Variants in EEF2 observed in about 807,000 individuals in gnomAD.
EEF2 encodes eukaryotic translation elongation factor 2, also known as elongation factor 2.
EEF2 carries 21 observed loss-of-function variants against 85.3 expected under a neutral mutation model. That is an observed-to-expected ratio of 0.25 (90% confidence interval 0.17 to 0.35). The LOEUF is 0.35. Ranked by LOEUF, EEF2 falls within the 10% of genes least tolerant of loss-of-function variation. The pLI, the probability that EEF2 is intolerant of heterozygous loss-of-function variation, is 1.00. For missense variants in EEF2, 825 were observed against 1,225.3 expected, an observed-to-expected ratio of 0.67 and a Z score of 4.88; for synonymous variants, 723 against 508.8, an observed-to-expected ratio of 1.42 and a Z score of -5.67.
intron 10 of EEF2, 150 bp from the exon 11 acceptor site, chr19:3,979,586 ATGT>A: frequency 1.1e-6 from 1 of 922,848 alleles, no homozygotes; most frequent in Non-Finnish European, 1.6e-6. Flanking sequence ...TCCTGAAGAA[ATGT>A]TAAGTCCCAC....
At chr19:3,981,912 G>T in intron 6 of EEF2, 35 bp downstream of exon 6, 1 of 1,592,868 alleles carries the variant, frequency 6.3e-7, no homozygotes, top group Non-Finnish European at 8.6e-7. Flanking sequence ...GCCAATAGTC[G>T]CATCGGCGGG....
In EEF2 at chr19:3,981,424, T is replaced by A; in HGVS notation, c.926A>T (p.Lys309Ile). The A allele has an allele frequency of 6.2e-7, 1 of 1,614,104 alleles. No individual in the cohort carries two copies. Residue 309 changes from lysine to isoleucine, a missense_variant, in exon 7 of 15, where the codon AAA (lysine) becomes ATA (isoleucine). Coordinates refer to ENST00000309311, the MANE Select transcript of EEF2 (RefSeq NM_001961.4). ...CTCTATCAGTTTTGCTGTCTCCTCT[T>A]TCTTGAAATTCATGATCGCATCAAA... ...KVFDAIMNFK[K>I]EETAKLIEKL...
At chr19:3,978,263 G>A in intron 11 of EEF2, 91 bp from the exon 12 acceptor site, 1 of 1,163,962 alleles carries the variant, frequency 8.6e-7, no homozygotes, top group South Asian at 1.9e-5. Context: ...TAGCAAGGCG[G>A]ACCTCATACA....
intron 6 of EEF2, 58 bp downstream of exon 6, chr19:3,981,889 C>G: frequency 6.5e-7 from 1 of 1,543,602 alleles, no homozygotes; most frequent in Non-Finnish European, 8.9e-7. Context: ...GGCCGGAGCC[C>G]ACAGGGCCGA....
intron 14 of EEF2, 47 bp from the exon 15 acceptor site, chr19:3,976,794 G>A (rs764489088): frequency 4.1e-6 from 6 of 1,475,326 alleles, no homozygotes; most frequent in Non-Finnish European, 5.4e-6. Flanking sequence ...GAAGGTGGCA[G>A]GGCAGAAGGA....
rs2039681071 is a variant in EEF2, at chr19:3,976,479, C to T, written c.*75G>A. On this transcript the variant is annotated 3_prime_UTR_variant, in exon 15 of 15. Transcript: ENST00000309311. ...CTGTGTCGGGACAGTCTCCAGGTGT[C>T]GTCTGAGAATTCGAGGACGTGGTGC... The T allele has an allele frequency of 1.1e-5, 16 of 1,511,556 alleles. No individual in the cohort carries two copies. The highest frequency in any genetic ancestry group is 1.4e-5 in the Non-Finnish European group (16 of 1,121,482). The allele number at this position is 1,511,556 out of a possible 1,614,324, so 93.6% of individuals were successfully genotyped here. A position where few individuals can be genotyped will look rare whatever the true frequency, so the allele number is the denominator to read the frequency against.
chr19:3,979,609 T>C (rs1003542184), intron 10 of EEF2, 173 bp from the exon 11 acceptor site: 13 of 955,702 alleles, frequency 1.4e-5, no homozygotes, highest in African/African-American at 1.3e-4. Flanking sequence ...CAAGCTACAG[T>C]GAACACGCGC....
chr19:3,981,316 C>T lies in EEF2; in HGVS notation c.1011+23G>A, dbSNP rs375690631. 2.4e-5 allele frequency: 39 copies of T among 1,608,798 alleles called. No individual in the cohort carries two copies. The East Asian group carries it at 2.7e-4, about 11-fold the overall frequency. On this transcript the variant is annotated intron_variant, in intron 7 of 14. Coordinates refer to ENST00000309311, the MANE Select transcript of EEF2 (RefSeq NM_001961.4). ...ACAGCAGCCTGTGTTCCCTCCACCCCGAGGGCTGGGCCCAGGCCGCACCTT... is the reference window on the plus strand; with the variant it reads ...ACAGCAGCCTGTGTTCCCTCCACCCTGAGGGCTGGGCCCAGGCCGCACCTT...
At chr19:3,979,707 A>G (rs1272086865) in intron 10 of EEF2, 101 bp downstream of exon 10, 1 of 1,504,886 alleles carries the variant, frequency 6.6e-7, no homozygotes, top group East Asian at 2.3e-5. Context: ...ATGACCAGTC[A>G]CCCCAATCCA....
intron 9 of EEF2, 24 bp from the exon 10 acceptor site, chr19:3,980,090 C>T (rs759968889): frequency 1.2e-6 from 2 of 1,604,446 alleles, no homozygotes; most frequent in East Asian, 2.2e-5. Context: ...AAGGCGGCAG[C>T]AGGCCGCAGG....
intron 1 of EEF2, 41 bp downstream of exon 1, chr19:3,985,337 C>G (rs2039806883): frequency 2.8e-6 from 4 of 1,448,924 alleles, no homozygotes; most frequent in Non-Finnish European, 3.7e-6. Context: ...CGCGGAGGCC[C>G]CGCCGCCGCT....
chr19:3,977,620 G>C lies in EEF2; in HGVS notation c.2068-10C>G. The stretch of plus-strand genomic sequence containing the variant: ...CCTCACACAGTGCGCCCTGGGGGAG[G>C]GGGAGAGCCACCGTCAAGGGCCGGA... On this transcript the variant is annotated splice_polypyrimidine_tract_variant and intron_variant, in intron 12 of 14. Transcript: ENST00000309311. The surrounding 1 kb of genome is among the most constrained non-coding windows in gnomAD (Gnocchi z 5.4). 6.6e-7 allele frequency: 1 copy of C among 1,505,350 alleles called. No individual in the cohort carries two copies. The highest frequency in any genetic ancestry group is 8.8e-7 in the Non-Finnish European group (1 of 1,131,264). 93.2% of individuals were successfully genotyped at this position (1,505,350 alleles called of 1,614,324 possible). A position where few individuals can be genotyped will look rare whatever the true frequency, so the allele number is the denominator to read the frequency against.
intron 11 of EEF2, among the ~76,000 whole-genome samples, chr19:3,978,989 G>T (rs540463433): frequency 2.6e-5 from 4 of 151,708 alleles, no homozygotes; most frequent in Admixed American, 2.6e-4. Flanking sequence ...TTAGCCGGGC[G>T]TGGTAGCACG....
Position 3,979,949 on chromosome 19 carries a change from G to T in EEF2, c.1464C>A (p.Phe488Leu), listed in dbSNP as rs758840686. The T allele has an allele frequency of 3.7e-6, 6 of 1,613,820 alleles. No homozygotes were observed. Among genetic ancestry groups the T allele is most frequent in the Non-Finnish European group, 5.1e-6 (6 of 1,180,052 alleles). ...TCACCCGCATGTTGTGCGCGTGCTC[G>T]AAGGTGGTGATGGTGCCCGTCTTCA... ...FLVKTGTITT[F>L]EHAHNMRVMK... Residue 488 changes from phenylalanine to leucine, a missense_variant, in exon 10 of 15, where the codon TTC (phenylalanine) becomes TTA (leucine). By Grantham distance (22) the Phe-to-Leu change is conservative. Coordinates refer to ENST00000309311, the MANE Select transcript of EEF2 (RefSeq NM_001961.4).
At chr19:3,981,015 G>C in intron 7 of EEF2, 36 bp from the exon 8 acceptor site, 1 of 1,551,446 alleles carries the variant, frequency 6.4e-7, no homozygotes, top group Non-Finnish European at 8.7e-7. Flanking sequence ...AGACACCTGG[G>C]GAGCCCAGGA....
intron 1 of EEF2, 82 bp downstream of exon 1, chr19:3,985,296 C>T (rs2039806200): frequency 3.8e-6 from 5 of 1,320,092 alleles, no homozygotes. Flanking sequence ...CACGGGGGGC[C>T]CCAGCGTCCC....
chr19:3,984,757 A>C lies in EEF2; in HGVS notation c.4-407T>G, dbSNP rs2039798252. The C allele has an allele frequency of 2.8e-5, 6 of 213,912 alleles. No individual in the cohort carries two copies. In the South Asian group the frequency reaches 2.8e-4, roughly 10 times the overall value. The allele number at this position is 213,912 out of a possible 1,614,324, so 13.3% of individuals were successfully genotyped here. A position where few individuals can be genotyped will look rare whatever the true frequency, so the allele number is the denominator to read the frequency against. On this transcript the variant is annotated intron_variant, in intron 1 of 14. Coordinates refer to ENST00000309311, the MANE Select transcript of EEF2 (RefSeq NM_001961.4). The stretch of plus-strand genomic sequence containing the variant: ...AAGCTTCATCATAAAATGCAAGGTC[A>C]CCCCTTGGCAAACGGGATCAGACAA...
At chr19:3,979,672 G>C in intron 10 of EEF2, 136 bp downstream of exon 10, 1 of 1,370,150 alleles carries the variant, frequency 7.3e-7, no homozygotes, top group Non-Finnish European at 9.9e-7. Flanking sequence ...TCCATTTACA[G>C]CCACAGCCAA....
Position 3,982,050 on chromosome 19 carries a change from T to C in EEF2, c.794A>G (p.Tyr265Cys). Residue 265 changes from tyrosine (Y) to cysteine (C), a missense_variant and splice_region_variant, in exon 6 of 15, where the codon TAC becomes TGC. Coordinates refer to ENST00000309311, the MANE Select transcript of EEF2 (RefSeq NM_001961.4). The part of the protein sequence containing the change: ...DMMKKLWGDR[Y>C]FDPANGKFSK... ...GAACTTGCCGTTGGCTGGGTCAAAG[T>C]ACCTGGCAAGGAGAGGCCAAGCCAA... 1.2e-6 allele frequency: 2 copies of C among 1,614,058 alleles called. No individual in the cohort carries two copies. The highest frequency in any genetic ancestry group is 1.7e-6 in the Non-Finnish European group (2 of 1,179,954).
Sources: gnomAD v4.1 joint callset for allele counts (sites outside exome capture counted in the v4.1 genomes callset) on GRCh38, gnomAD v4.1.1 for gene constraint, Gnocchi (gnomAD v3.1) non-coding constraint, MANE v1.5 for transcripts, NCBI Gene and HGNC (gene_info 2026-07-23, HGNC 2026-07-21) for gene names.